Variants in SMOX observed in about 807,000 individuals in gnomAD.
SMOX encodes the protein flavin containing amine oxidase.
SMOX carries 22 observed loss-of-function variants against 51.0 expected under a neutral mutation model. The observed-to-expected ratio is 0.43, with a 90% CI of 0.31 to 0.62. SMOX has a LOEUF of 0.62. Among genes scored for constraint, SMOX ranks in the 20% least tolerant of loss-of-function variants. The pLI is 0.10. For synonymous variants in SMOX, 282 were observed against 307.8 expected, an observed-to-expected ratio of 0.92 and a Z score of 0.88; for missense variants, 566 against 777.7, an observed-to-expected ratio of 0.73 and a Z score of 3.24.
rs979824705 is a variant in SMOX, at chr20:4,172,942, T to C, written c.-26-2088T>C. Among the ~76,000 whole-genome samples, 3 of 152,182 alleles carry C rather than the reference T, an allele frequency of 2.0e-5. No homozygotes were observed. The highest frequency in any genetic ancestry group is 6.5e-5 in the Admixed American group (1 of 15,270). ...GGAAAAAGCCTCCTTTGTTCACCCA[T>C]GTCACTTAAGGGATGTTAAGGACGC... On this transcript the variant is annotated intron_variant, in intron 1 of 6. Coordinates refer to ENST00000305958, the MANE Select transcript of SMOX (RefSeq NM_175839.3). This position sits in a 1 kb window ranked among gnomAD's most constrained non-coding sequence, Gnocchi z 7.7.
Position 4,149,373 on chromosome 20 carries a change from G to A in SMOX, c.-27+396G>A, listed in dbSNP as rs552386840. ...CGCTCCGTGGGCGCAGACAAAGCCG[G>A]GCGCGGACGCCCCGCGACGACTCGG... On this transcript the variant is annotated intron_variant, in intron 1 of 6. Coordinates refer to ENST00000305958, the MANE Select transcript of SMOX (RefSeq NM_175839.3). The surrounding 1 kb of genome is among the most constrained non-coding windows in gnomAD (Gnocchi z 6.0). Among the ~76,000 whole-genome samples, 34 of 152,140 alleles carry A rather than the reference G, an allele frequency of 2.2e-4. No individual in the cohort carries two copies. The highest frequency in any genetic ancestry group is 1.4e-3 in the Admixed American group (21 of 15,302).
chr20:4,154,659 G>A (rs1450504617), intron 1 of SMOX, among the ~76,000 whole-genome samples: 1 of 152,080 alleles, frequency 6.6e-6, no homozygotes, highest in Non-Finnish European at 1.5e-5. Context: ...CACTGTGCCT[G>A]GCCTGAGACT....
intron 2 of SMOX, among the ~76,000 whole-genome samples, chr20:4,176,954 G>T (rs1366683602): frequency 1.2e-4 from 18 of 152,184 alleles, no homozygotes; most frequent in Admixed American, 1.2e-3. Flanking sequence ...AGCCACTGGG[G>T]ATGTTGAAGA....
chr20:4,182,906 C>A lies in SMOX; in HGVS notation c.1369+58C>A. On this transcript the variant is annotated intron_variant, in intron 5 of 6. Transcript: ENST00000305958. This position sits in a 1 kb window ranked among gnomAD's most constrained non-coding sequence, Gnocchi z 8.4. ...ACCCTGCTTCTTCCTCACCTGCCCTCCTCTGGTGGACCCATGGCAGCTCTC... is the reference window on the plus strand; with the variant it reads ...ACCCTGCTTCTTCCTCACCTGCCCTACTCTGGTGGACCCATGGCAGCTCTC... 2 of 1,545,678 alleles carry A rather than the reference C, an allele frequency of 1.3e-6. No homozygotes were observed. The highest frequency in any genetic ancestry group is 1.7e-6 in the Non-Finnish European group (2 of 1,151,802).
Position 4,149,822 on chromosome 20 carries a change from G to A in SMOX, c.-27+845G>A, listed in dbSNP as rs953622076. Reference sequence around the variant, plus strand: ...GAACCTGCTGTTGGTGGCACATCACGTACCAGTCTGTGGGGGCAACTTGGC... The same window carrying A: ...GAACCTGCTGTTGGTGGCACATCACATACCAGTCTGTGGGGGCAACTTGGC... On this transcript the variant is annotated intron_variant, in intron 1 of 6. Transcript: ENST00000305958. This position sits in a 1 kb window ranked among gnomAD's most constrained non-coding sequence, Gnocchi z 6.0. Among the ~76,000 whole-genome samples, 1 of 152,192 alleles carries A rather than the reference G, an allele frequency of 6.6e-6. No homozygotes were observed. Among genetic ancestry groups the A allele is most frequent in the Admixed American group, 6.5e-5 (1 of 15,282 alleles).
intron 1 of SMOX, among the ~76,000 whole-genome samples, chr20:4,165,544 A>G (rs1177636111): frequency 6.6e-6 from 1 of 152,126 alleles, no homozygotes; most frequent in Non-Finnish European, 1.5e-5. Context: ...CTGGAGGGGA[A>G]TTCAGAGTTG....
In SMOX at chr20:4,187,265, C is replaced by T. The variant is rs201078634; in HGVS notation, c.1531-5C>T. ...CACCCTGACCTCCCCATCCCCGCCC[C>T]GCAGCCCATGCAGGTGCTGTTTTCC... On this transcript the variant is annotated splice_region_variant and splice_polypyrimidine_tract_variant and intron_variant, in intron 6 of 6. Transcript: ENST00000305958. The surrounding 1 kb of genome is among the most constrained non-coding windows in gnomAD (Gnocchi z 4.8). 4.8e-5 allele frequency: 77 copies of T among 1,611,942 alleles called. No individual in the cohort carries two copies. The highest frequency in any genetic ancestry group is 6.7e-5 in the Admixed American group (4 of 59,864).
At chr20:4,151,288 C>CCGT (rs1985747270) in intron 1 of SMOX, among the ~76,000 whole-genome samples, 8 of 149,788 alleles carry the variant, frequency 5.3e-5, no homozygotes, top group African/African-American at 2.0e-4. Flanking sequence ...AGCCAAGCCG[C>CCGT]GTAACCCTCT....
At chr20:4,186,555 G>T (rs567927211) in intron 6 of SMOX, among the ~76,000 whole-genome samples, 2 of 152,266 alleles carry the variant, frequency 1.3e-5, no homozygotes, top group East Asian at 3.9e-4. Context: ...TGTCTGAAAT[G>T]TCCTTTGCCT....
chr20:4,159,213 G>A (rs1236972159), intron 1 of SMOX, among the ~76,000 whole-genome samples: 4 of 152,104 alleles, frequency 2.6e-5, no homozygotes, highest in African/African-American at 9.7e-5. Flanking sequence ...CTGGGTTCAA[G>A]CGATTCTCCT....
At chr20:4,180,013 A>C (rs1238379378) in intron 3 of SMOX, among the ~76,000 whole-genome samples, 1 of 152,166 alleles carries the variant, frequency 6.6e-6, no homozygotes, top group African/African-American at 2.4e-5. Context: ...ATTACTCCTC[A>C]GCTGGGCATT....
chr20:4,184,873 A>G (rs1277313533), intron 6 of SMOX, among the ~76,000 whole-genome samples: 1 of 152,244 alleles, frequency 6.6e-6, no homozygotes, highest in East Asian at 1.9e-4. Flanking sequence ...TCAAAAGGAA[A>G]TCTGGAGGCA....
At chr20:4,165,991 T>C (rs1033037718) in intron 1 of SMOX, among the ~76,000 whole-genome samples, 3 of 152,122 alleles carry the variant, frequency 2.0e-5, no homozygotes, top group African/African-American at 7.2e-5. Flanking sequence ...TACACAAAGA[T>C]GGGAAGCAAG....
At chr20:4,163,667 G>T (rs1238206369) in intron 1 of SMOX, among the ~76,000 whole-genome samples, 1 of 152,198 alleles carries the variant, frequency 6.6e-6, no homozygotes, top group Non-Finnish European at 1.5e-5. Context: ...GTCAGCCAGC[G>T]CTGCAGTCAT....
At chr20:4,151,032 A>G (rs544587926) in intron 1 of SMOX, among the ~76,000 whole-genome samples, 29 of 152,090 alleles carry the variant, frequency 1.9e-4, no homozygotes, top group African/African-American at 7.0e-4. Flanking sequence ...GGGTTTCACC[A>G]TGTTGCCCAG....
chr20:4,171,391 G>A lies in SMOX; in HGVS notation c.-26-3639G>A, dbSNP rs1054866911. ...AGCAGGCATTTAGCACACAGTAGGTGTCCTGGCTATGTTCTCTCTCTCCCT... is the reference window on the plus strand; with the variant it reads ...AGCAGGCATTTAGCACACAGTAGGTATCCTGGCTATGTTCTCTCTCTCCCT... On this transcript the variant is annotated intron_variant, in intron 1 of 6. Coordinates refer to ENST00000305958, the MANE Select transcript of SMOX (RefSeq NM_175839.3). Among the ~76,000 whole-genome samples the A allele has an allele frequency of 2.6e-5, 4 of 152,194 alleles. No individual in the cohort carries two copies. The South Asian group carries it at 8.3e-4, about 32-fold the overall frequency.
At chr20:4,168,681 C>G (rs1986683084) in intron 1 of SMOX, among the ~76,000 whole-genome samples, 1 of 151,706 alleles carries the variant, frequency 6.6e-6, no homozygotes, top group Non-Finnish European at 1.5e-5. Context: ...CTCAGCCTCC[C>G]GAGTAGCTGG....
At chr20:4,163,691 G>A (rs1164580252) in intron 1 of SMOX, among the ~76,000 whole-genome samples, 1 of 152,166 alleles carries the variant, frequency 6.6e-6, no homozygotes, top group Non-Finnish European at 1.5e-5. Context: ...AAGGGAGCAG[G>A]AGGATTTGCT....
rs566331588 is a variant in SMOX at position 4,167,751 on chromosome 20, A to T, written c.-26-7279A>T. Among the ~76,000 whole-genome samples the T allele has an allele frequency of 2.0e-5, 3 of 151,972 alleles. No homozygotes were observed. The highest frequency in any genetic ancestry group is 6.5e-5 in the Admixed American group (1 of 15,274). On this transcript the variant is annotated intron_variant, in intron 1 of 6. Transcript: ENST00000305958. The surrounding 1 kb of genome is among the most constrained non-coding windows in gnomAD (Gnocchi z 4.8). ...CCCCTGCTCTGTTCCCCACACCTGT[A>T]CCCCGATTCTCCCACCGTGGCAGCC...
Sources: allele counts gnomAD v4.1 joint callset (sites outside exome capture counted in the v4.1 genomes callset), GRCh38; gene constraint gnomAD v4.1.1; non-coding constraint Gnocchi (gnomAD v3.1); transcripts MANE v1.5; gene names NCBI Gene and HGNC (gene_info 2026-07-23, HGNC 2026-07-21).